Variants in DGKD observed in about 807,000 individuals in gnomAD.
The protein encoded by DGKD is DAG kinase delta.
DGKD carries 68 observed loss-of-function variants against 154.4 expected under a neutral mutation model. The observed-to-expected ratio is 0.44, with a 90% CI of 0.36 to 0.54. DGKD has a LOEUF of 0.54. DGKD is among the 20% of genes least tolerant of loss of function. The pLI is 0.00. For missense variants in DGKD, 1,343 were observed against 1,593.6 expected, an observed-to-expected ratio of 0.84 and a Z score of 2.68; for synonymous variants, 693 against 638.0, an observed-to-expected ratio of 1.09 and a Z score of -1.30.
intron 3 of DGKD, among the ~76,000 whole-genome samples, chr2:233,411,468 T>G (rs1480496341): frequency 6.6e-6 from 1 of 152,214 alleles, no homozygotes; most frequent in Non-Finnish European, 1.5e-5. Context: ...TTTCATGTGT[T>G]TGTTGGTCAT....
intron 1 of DGKD, among the ~76,000 whole-genome samples, chr2:233,358,639 C>G (rs1701635050): frequency 1.3e-5 from 2 of 152,192 alleles, no homozygotes; most frequent in Admixed American, 1.3e-4. Context: ...GGTCATTTTA[C>G]ATAAATGGAA....
intron 1 of DGKD, among the ~76,000 whole-genome samples, chr2:233,356,779 C>T (rs1272141510): frequency 6.6e-6 from 1 of 151,418 alleles, no homozygotes; most frequent in Non-Finnish European, 1.5e-5. Flanking sequence ...AAGAGATTGT[C>T]AGAATGTGGG....
intron 1 of DGKD, among the ~76,000 whole-genome samples, chr2:233,357,560 CAA>C (rs1701585260): frequency 7.5e-6 from 1 of 132,806 alleles, no homozygotes; most frequent in South Asian, 2.4e-4. Context: ...TTTTTTGAGA[CAA>C]GGTCTCACTT....
intron 1 of DGKD, among the ~76,000 whole-genome samples, chr2:233,365,632 A>G (rs1701989296): frequency 6.6e-6 from 1 of 152,224 alleles, no homozygotes; most frequent in Non-Finnish European, 1.5e-5. Flanking sequence ...GCACAGGCAC[A>G]TTTGTCGAAA....
chr2:233,367,546 T>C (rs1422071972), intron 1 of DGKD, among the ~76,000 whole-genome samples: 1 of 152,046 alleles, frequency 6.6e-6, no homozygotes, highest in African/African-American at 2.4e-5. Flanking sequence ...TGACTTTTAA[T>C]GGCAAAAACC....
chr2:233,378,216 C>T (rs1702690310), intron 1 of DGKD, among the ~76,000 whole-genome samples: 1 of 151,830 alleles, frequency 6.6e-6, no homozygotes. Flanking sequence ...GAGGTCGAGA[C>T]TAGCCTGGGC....
rs549448095 is a variant in DGKD at position 233,450,695 on chromosome 2, G to A, written c.2039-227G>A. ...GACTGGGCTCACCCCTCCCTCCAGC[G>A]CTGCCACCTGTGGCCTGTGTTAACC... On this transcript the variant is annotated intron_variant, in intron 16 of 29. Coordinates refer to ENST00000264057, the MANE Select transcript of DGKD (RefSeq NM_152879.3). Among the ~76,000 whole-genome samples the A allele has an allele frequency of 2.0e-5, 3 of 152,090 alleles. No homozygotes were observed. In the East Asian group the frequency reaches 5.8e-4, roughly 29 times the overall value.
At chr2:233,365,497 G>A (rs1292015826) in intron 1 of DGKD, among the ~76,000 whole-genome samples, 2 of 152,060 alleles carry the variant, frequency 1.3e-5, no homozygotes, top group African/African-American at 2.4e-5. Flanking sequence ...CACCTGCCTC[G>A]GCCTCCTGAA....
chr2:233,359,392 A>C (rs941197349), intron 1 of DGKD, among the ~76,000 whole-genome samples: 4 of 152,254 alleles, frequency 2.6e-5, no homozygotes, highest in South Asian at 4.1e-4. Context: ...ATGTTAACTC[A>C]TAGAATTAAA....
At chr2:233,358,195 C>T (rs1035589056) in intron 1 of DGKD, among the ~76,000 whole-genome samples, 18 of 152,338 alleles carry the variant, frequency 1.2e-4, no homozygotes, top group African/African-American at 4.3e-4. Context: ...AGCTAACACT[C>T]CGACCAGCAC....
At chr2:233,384,960 G>A (rs1241430618) in intron 1 of DGKD, among the ~76,000 whole-genome samples, 1 of 152,150 alleles carries the variant, frequency 6.6e-6, no homozygotes, top group African/African-American at 2.4e-5. Flanking sequence ...ACATCCCAGA[G>A]CACTCTGGTG....
chr2:233,465,598 AT>A (rs934067899), intron 27 of DGKD, among the ~76,000 whole-genome samples: 12 of 151,950 alleles, frequency 7.9e-5, no homozygotes, highest in African/African-American at 2.9e-4. Flanking sequence ...TTAAAAAAAA[AT>A]TTTTTTTTAA....
chr2:233,394,342 C>T (rs1240541191), intron 3 of DGKD, among the ~76,000 whole-genome samples: 1 of 151,504 alleles, frequency 6.6e-6, no homozygotes, highest in Admixed American at 6.6e-5. Context: ...TCCTGGGCTC[C>T]AGTGATCCTC....
In DGKD at chr2:233,469,240, C is replaced by A. The variant is rs531699890; in HGVS notation, c.3556-131C>A. On this transcript the variant is annotated intron_variant, in intron 29 of 29. Coordinates refer to ENST00000264057, the MANE Select transcript of DGKD (RefSeq NM_152879.3). ...TTAAGCTGTTTCCATCTTGTTTTAC[C>A]GTTTTTGTCATTTTGGCTCTCATTT... is the stretch of plus-strand genomic sequence containing the variant. 9.6e-6 allele frequency: 7 copies of A among 727,714 alleles called. No individual in the cohort carries two copies. The Admixed American group carries it at 1.6e-4, about 17-fold the overall frequency. 45.1% of individuals were successfully genotyped at this position (727,714 alleles called of 1,614,324 possible). A position where few individuals can be genotyped will look rare whatever the true frequency, so the allele number is the denominator to read the frequency against.
rs567961155 is a variant in DGKD at position 233,440,590 on chromosome 2, G to A, written c.1086-1297G>A. Among the ~76,000 whole-genome samples, 20 of 152,282 alleles carry A rather than the reference G, an allele frequency of 1.3e-4. No homozygotes were observed. Among genetic ancestry groups the A allele is most frequent in the South Asian group, 1.2e-3 (6 of 4,818 alleles). On this transcript the variant is annotated intron_variant, in intron 9 of 29. Transcript: ENST00000264057. This position sits in a 1 kb window ranked among gnomAD's most constrained non-coding sequence, Gnocchi z 4.9. Reference sequence around the variant, plus strand: ...AGTGTTCTGAAGGCTGCAGGGAGGCGGGAGGCTTCTGGGCTGAGGGCACCG... The same window carrying A: ...AGTGTTCTGAAGGCTGCAGGGAGGCAGGAGGCTTCTGGGCTGAGGGCACCG...
chr2:233,437,641 C>T (rs921640178), intron 8 of DGKD, among the ~76,000 whole-genome samples, 162 bp downstream of exon 8: 2 of 152,234 alleles, frequency 1.3e-5, no homozygotes, highest in African/African-American at 2.4e-5. Context: ...GAGCGGCACA[C>T]GGCGCCCTGA....
At chr2:233,419,563 T>C (rs2062049623) in intron 3 of DGKD, 2 of 531,160 alleles carry the variant, frequency 3.8e-6, no homozygotes, top group South Asian at 1.6e-4. Flanking sequence ...TTGTATGTCT[T>C]AGAAATGGAA....
intron 1 of DGKD, among the ~76,000 whole-genome samples, chr2:233,360,659 G>C (rs1489481467): frequency 2.0e-5 from 3 of 152,156 alleles, no homozygotes; most frequent in Admixed American, 6.5e-5. Flanking sequence ...GAGTAGCTGG[G>C]AGCGTAGGCT....
chr2:233,454,851 G>A lies in DGKD; in HGVS notation c.2353G>A (p.Asp785Asn), dbSNP rs1036224414. Residue 785 changes from aspartate (D) to asparagine (N), a missense_variant, in exon 19 of 30, where the codon GAT (aspartate) becomes AAT (asparagine). By Grantham distance (23) the Asp-to-Asn change is conservative. Transcript: ENST00000264057. ...KISLDFNNKR[D>N]EHPEKCRSRT... Reference sequence around the variant, plus strand: ...ATCCCTGGACTTTAACAACAAGCGCGATGAGCACCCAGAGAAGTGCAGGTA... The same window carrying A: ...ATCCCTGGACTTTAACAACAAGCGCAATGAGCACCCAGAGAAGTGCAGGTA... The A allele has an allele frequency of 3.7e-6, 6 of 1,613,454 alleles. No individual in the cohort carries two copies. The highest frequency in any genetic ancestry group is 1.3e-5 in the African/African-American group (1 of 74,924).
Sources: allele counts gnomAD v4.1 joint callset (sites outside exome capture counted in the v4.1 genomes callset), GRCh38; gene constraint gnomAD v4.1.1; non-coding constraint Gnocchi (gnomAD v3.1); transcripts MANE v1.5; gene names NCBI Gene and HGNC (gene_info 2026-07-23, HGNC 2026-07-21).